OR6N1: variants seen among roughly 807,000 people sequenced by gnomAD.
OR6N1 encodes olfactory receptor 6N1.
For synonymous variants in OR6N1, 170 were observed against 150.7 expected, an observed-to-expected ratio of 1.13 and a Z score of -0.94; for missense variants, 394 against 371.7, an observed-to-expected ratio of 1.06 and a Z score of -0.49.
At chr1:158,825,584 C>T in the OR6N1 span, among the ~76,000 whole-genome samples, 1 of 152,068 alleles carries the variant, frequency 6.6e-6, no homozygotes, top group Non-Finnish European at 1.5e-5. Context: ...GAAACCATCT[C>T]GTACCAGTCA....
the OR6N1 span, among the ~76,000 whole-genome samples, chr1:158,796,374 G>A: frequency 3.9e-5 from 6 of 152,084 alleles, no homozygotes; most frequent in Admixed American, 6.5e-5. Context: ...GCTCCTCTGA[G>A]GTAATTTTCT....
chr1:158,777,201 A>G, the OR6N1 span: 6 of 1,614,020 alleles, frequency 3.7e-6, no homozygotes, highest in Non-Finnish European at 2.5e-6. Flanking sequence ...AACAAGCAGC[A>G]GCCATCTTGG....
the OR6N1 span, among the ~76,000 whole-genome samples, chr1:158,801,958 T>C: frequency 0.013 from 1,942 of 152,300 alleles, 21 homozygotes; most frequent in Non-Finnish European, 0.021. Flanking sequence ...CCCCTACTTA[T>C]ATTTCATGTT....
At chr1:158,810,864 A>C in the OR6N1 span, among the ~76,000 whole-genome samples, 1 of 152,138 alleles carries the variant, frequency 6.6e-6, no homozygotes, top group Non-Finnish European at 1.5e-5. Context: ...TAATACTTTC[A>C]TTTTAATACA....
chr1:158,771,206 C>A (rs1455425531), intron 1 of OR6N1, among the ~76,000 whole-genome samples: 4 of 152,168 alleles, frequency 2.6e-5, no homozygotes, highest in African/African-American at 9.7e-5. Flanking sequence ...CTTCTAAATT[C>A]TCAGTAGTAC....
chr1:158,819,208 C>G, the OR6N1 span, among the ~76,000 whole-genome samples: 1 of 152,180 alleles, frequency 6.6e-6, no homozygotes, highest in Admixed American at 6.5e-5. Context: ...TCAATTAATG[C>G]TAATTGGGAA....
the OR6N1 span, among the ~76,000 whole-genome samples, chr1:158,836,811 T>C: frequency 3.3e-5 from 5 of 151,830 alleles, no homozygotes; most frequent in African/African-American, 1.2e-4. Context: ...AGTCAGATTA[T>C]TGATTTGAGA....
chr1:158,791,797 T>G, the OR6N1 span, among the ~76,000 whole-genome samples: 4 of 152,262 alleles, frequency 2.6e-5, no homozygotes, highest in East Asian at 7.7e-4. Context: ...TTATTGAGAC[T>G]TCTTTTCTGG....
chr1:158,776,872 A>T, upstream of OR6N1: 1 of 1,614,202 alleles, frequency 6.2e-7, no homozygotes, highest in Non-Finnish European at 8.5e-7. Context: ...CATGAAGATG[A>T]TGCTCCCAAA....
the OR6N1 span, among the ~76,000 whole-genome samples, chr1:158,833,706 C>T: frequency 6.6e-6 from 1 of 152,060 alleles, no homozygotes; most frequent in Non-Finnish European, 1.5e-5. Flanking sequence ...CATGTATTTA[C>T]CATAAAATAC....
the OR6N1 span, among the ~76,000 whole-genome samples, chr1:158,812,503 T>C: frequency 6.6e-5 from 10 of 152,230 alleles, no homozygotes; most frequent in Non-Finnish European, 1.5e-5. Context: ...GAATGAGGCC[T>C]TCTGCCTCTA....
the OR6N1 span, among the ~76,000 whole-genome samples, chr1:158,806,998 C>T: frequency 1.2e-5 from 1 of 82,970 alleles, no homozygotes. Flanking sequence ...AGCAAGACGT[C>T]ATCTCAAAAA....
the OR6N1 span, chr1:158,809,445 T>C: frequency 6.6e-6 from 1 of 152,238 alleles, no homozygotes; most frequent in African/African-American, 2.4e-5. Flanking sequence ...CTAATCAATG[T>C]TCCTCACTTT....
chr1:158,820,672 A>G, the OR6N1 span, among the ~76,000 whole-genome samples: 3 of 152,194 alleles, frequency 2.0e-5, no homozygotes, highest in African/African-American at 7.2e-5. Context: ...AACAGTTTTT[A>G]TTTGTGTGGA....
chr1:158,817,177 G>A, the OR6N1 span, among the ~76,000 whole-genome samples: 8 of 152,136 alleles, frequency 5.3e-5, no homozygotes, highest in African/African-American at 1.9e-4. Context: ...AGCAAAAATT[G>A]GTTATTGATC....
Position 158,766,305 on chromosome 1 carries a change from G to A in OR6N1, c.378C>T (p.Ile126=), listed in dbSNP as rs375506841. ...TAMAYDRYLA[I]CRPLHYPTLM... ...GGGTTGGGTAGTGGAGGGGCCGGCA[G>A]ATGGCTAAATACCTATCGTAGGCCA... The change falls in exon 2 of 2, where the codon ATC becomes ATT. Residue 126 remains isoleucine, a synonymous_variant. Coordinates refer to ENST00000641846, the MANE Select transcript of OR6N1 (RefSeq NM_001005185.2). 7.9e-5 allele frequency: 127 copies of A among 1,614,008 alleles called. 3 individuals carry two copies. In the South Asian group the frequency reaches 8.3e-4, roughly 11 times the overall value.
the OR6N1 span, among the ~76,000 whole-genome samples, chr1:158,824,763 T>C: frequency 6.6e-6 from 1 of 152,190 alleles, no homozygotes; most frequent in African/African-American, 2.4e-5. Context: ...TGGCTATCTA[T>C]CTGCAGAAGA....
At chr1:158,822,893 A>T in the OR6N1 span, among the ~76,000 whole-genome samples, 1 of 152,108 alleles carries the variant, frequency 6.6e-6, no homozygotes, top group Non-Finnish European at 1.5e-5. Flanking sequence ...TTCAATGCCT[A>T]GTTTGTTGAG....
chr1:158,809,840 TATA>T, the OR6N1 span, among the ~76,000 whole-genome samples: 1 of 152,126 alleles, frequency 6.6e-6, no homozygotes, highest in Non-Finnish European at 1.5e-5. Context: ...CTCCAAAAAC[TATA>T]ATATCCTAGG....
Sources: allele counts gnomAD v4.1 joint callset (sites outside exome capture counted in the v4.1 genomes callset), GRCh38; gene constraint gnomAD v4.1.1; transcripts MANE v1.5; gene names NCBI Gene and HGNC (gene_info 2026-07-23, HGNC 2026-07-21).